TDRD9: variants seen among roughly 807,000 people sequenced by gnomAD.
TDRD9 encodes the protein ATP-dependent RNA helicase TDRD9.
In TDRD9, 124 loss-of-function variants were observed where a neutral mutation model predicts 172.6. The ratio of observed to expected loss-of-function variants is 0.72; its 90% CI spans 0.62 to 0.83. The LOEUF (loss-of-function observed/expected upper bound fraction) is 0.83. Ranked by LOEUF, TDRD9 falls within the 40% of genes least tolerant of loss-of-function variation. The pLI is 0.00. For synonymous variants in TDRD9, 619 were observed against 617.1 expected (o/e 1.00, Z -0.05); for missense variants, 1,479 against 1,714.1 (o/e 0.86, Z 2.42).
Position 104,042,155 on chromosome 14 carries a change from G to A in TDRD9, c.3942G>A (p.Gln1314=). ...CKCLGPERVA[Q]LQDIARQKLL... ...GTCTTGGGCCAGAGAGAGTTGCGCAGCTTCAAGACATTGCCCGTCAGAAGC... is the reference window on the plus strand; with the variant it reads ...GTCTTGGGCCAGAGAGAGTTGCGCAACTTCAAGACATTGCCCGTCAGAAGC... Residue 1314 remains glutamine, a synonymous_variant, in exon 34 of 36, where the codon CAG becomes CAA. Coordinates refer to ENST00000409874, the MANE Select transcript of TDRD9 (RefSeq NM_153046.3). The A allele has an allele frequency of 6.2e-7, 1 of 1,613,346 alleles. No homozygotes were observed. The highest frequency in any genetic ancestry group is 8.5e-7 in the Non-Finnish European group (1 of 1,179,304).
At chr14:103,973,320 AG>A (rs1332272706) in intron 6 of TDRD9, among the ~76,000 whole-genome samples, 2 of 152,230 alleles carry the variant, frequency 1.3e-5, no homozygotes, top group Admixed American at 6.5e-5. Flanking sequence ...CGCTGTCAAG[AG>A]GACCTGGGTG....
At chr14:104,045,688 G>C (rs769230255) in intron 34 of TDRD9, among the ~76,000 whole-genome samples, 4 of 152,188 alleles carry the variant, frequency 2.6e-5, no homozygotes, top group Admixed American at 2.6e-4. Flanking sequence ...ATAAGGGGTT[G>C]ACTGGACTCA....
At chr14:104,011,989 C>A (rs908238123) in intron 20 of TDRD9, among the ~76,000 whole-genome samples, 5 of 152,012 alleles carry the variant, frequency 3.3e-5, no homozygotes, top group Admixed American at 2.6e-4. Context: ...CCAGTAGAGT[C>A]TTATGGACAG....
chr14:103,999,635 T>A (rs2034183360), intron 13 of TDRD9, among the ~76,000 whole-genome samples: 1 of 130,306 alleles, frequency 7.7e-6, no homozygotes, highest in Non-Finnish European at 1.7e-5. Context: ...TTTTTGTTTG[T>A]TTTTTAGAAA....
chr14:104,024,032 A>T (rs2035041225), intron 24 of TDRD9, among the ~76,000 whole-genome samples: 1 of 152,152 alleles, frequency 6.6e-6, no homozygotes, highest in Non-Finnish European at 1.5e-5. Flanking sequence ...ATTTTCTGTC[A>T]AATTTGTCTT....
In TDRD9 at chr14:103,997,320, A is replaced by C. The variant is rs2034092207; in HGVS notation, c.1379-1304A>C. Reference sequence around the variant, plus strand: ...GGAGGTGGGGGTAGATCCCAGGGAGATTCTGAAGGCAGAGCTGGGGAGGAT... The same window carrying C: ...GGAGGTGGGGGTAGATCCCAGGGAGCTTCTGAAGGCAGAGCTGGGGAGGAT... On this transcript the variant is annotated intron_variant, in intron 12 of 35. Coordinates refer to ENST00000409874, the MANE Select transcript of TDRD9 (RefSeq NM_153046.3). This position sits in a 1 kb window ranked among gnomAD's most constrained non-coding sequence, Gnocchi z 5.1. Among the ~76,000 whole-genome samples the C allele has an allele frequency of 6.6e-6, 1 of 152,100 alleles. No homozygotes were observed. Among genetic ancestry groups the C allele is most frequent in the Admixed American group, 6.5e-5 (1 of 15,274 alleles).
intron 1 of TDRD9, chr14:103,939,750 T>TTTTTTTTG (rs2031091304): frequency 2.1e-5 from 1 of 48,458 alleles, no homozygotes; most frequent in African/African-American, 5.8e-5. Context: ...AGTGTTTTTT[T>TTTTTTTTG]TTTTTTTTTT....
intron 13 of TDRD9, among the ~76,000 whole-genome samples, chr14:104,002,077 T>C (rs542427600): frequency 2.6e-5 from 4 of 151,734 alleles, no homozygotes; most frequent in African/African-American, 9.6e-5. Context: ...CCCAGCACTT[T>C]GGGAGGGTGA....
chr14:104,031,204 C>A lies in TDRD9; in HGVS notation c.3379C>A (p.Leu1127Ile), dbSNP rs373438687. 6.5e-5 allele frequency: 101 copies of A among 1,551,864 alleles called. No homozygotes were observed. In the African/African-American group the frequency reaches 1.3e-3, roughly 20 times the overall value. Residue 1127 changes from leucine to isoleucine, a missense_variant, in exon 29 of 36, where the codon CTC becomes ATC. Transcript: ENST00000409874. ...PFPMKDDEKY[L>I]IRILLESFST... is the part of the protein sequence containing the mutation. ...TCCCATGAAAGACGACGAGAAATAT[C>A]TCATCCGGATTTTGTTAGAGAGCTT...
chr14:103,937,649 C>T (rs1168669925), intron 1 of TDRD9, among the ~76,000 whole-genome samples: 4 of 152,126 alleles, frequency 2.6e-5, no homozygotes, highest in Non-Finnish European at 4.4e-5. Flanking sequence ...CAGAATGATT[C>T]TGAGATTTCT....
chr14:103,988,263 T>C (rs1330998747), intron 8 of TDRD9, among the ~76,000 whole-genome samples: 1 of 152,068 alleles, frequency 6.6e-6, no homozygotes, highest in South Asian at 2.1e-4. Context: ...AACCTCTGCC[T>C]CCTGGGTTCA....
At chr14:104,022,049 G>T in intron 23 of TDRD9, 108 bp from the exon 24 acceptor site, 2 of 781,384 alleles carry the variant, frequency 2.6e-6, no homozygotes, top group South Asian at 1.7e-5. Flanking sequence ...AGAGTTACTG[G>T]CATTTTGAGG....
At position 103,970,512 on chromosome 14, in the gene TDRD9, T is replaced by TG. The variant is rs1467295852; in HGVS notation, c.766-23dup. On this transcript the variant is annotated intron_variant, in intron 5 of 35. Transcript: ENST00000409874. ...GTCATGTGTGTTGCCTGATGCCATG[T>TG]GGGGGGTGCCCCCTTTTTTATTTTG... 12 of 1,530,206 alleles carry TG rather than the reference T, an allele frequency of 7.8e-6. No homozygotes were observed. In the Admixed American group the frequency reaches 1.6e-4, roughly 20 times the overall value. The allele number at this position is 1,530,206 out of a possible 1,614,324, so 94.8% of individuals were successfully genotyped here. A position where few individuals can be genotyped will look rare whatever the true frequency, so the allele number is the denominator to read the frequency against.
chr14:103,968,460 GA>G (rs1270989937), intron 5 of TDRD9, among the ~76,000 whole-genome samples: 1 of 152,116 alleles, frequency 6.6e-6, no homozygotes, highest in Admixed American at 6.5e-5. Context: ...GTTTAAAATG[GA>G]ATAATGTTTT....
chr14:104,006,625 T>C, intron 16 of TDRD9, 21 bp from the exon 17 acceptor site: 1 of 1,613,492 alleles, frequency 6.2e-7, no homozygotes. Flanking sequence ...TACATTCTTC[T>C]TGTTTATTTT....
At position 104,016,091 on chromosome 14, in the gene TDRD9, A is replaced by G; in HGVS notation, c.2331+3A>G. ...AGGACCCCAAGACAACTGTCGTGGT[A>G]GGTGCTGGGGGCAGGCCGTCCTCTC... On this transcript the variant is annotated splice_donor_region_variant and intron_variant, in intron 22 of 35. Transcript: ENST00000409874. 6.3e-7 allele frequency: 1 copy of G among 1,591,214 alleles called. No homozygotes were observed. The highest frequency in any genetic ancestry group is 8.6e-7 in the Non-Finnish European group (1 of 1,167,320).
At chr14:104,031,365 G>A in intron 29 of TDRD9, 102 bp downstream of exon 29, 1 of 979,452 alleles carries the variant, frequency 1.0e-6, no homozygotes, top group Non-Finnish European at 1.5e-6. Context: ...TTTCTTTTCT[G>A]GCTTTTAATG....
intron 1 of TDRD9, 110 bp from the exon 2 acceptor site, chr14:103,955,554 T>C: frequency 1.5e-6 from 1 of 672,268 alleles, no homozygotes; most frequent in Non-Finnish European, 2.4e-6. Context: ...TTCATTTGTT[T>C]ATTGACTATT....
intron 23 of TDRD9, among the ~76,000 whole-genome samples, chr14:104,019,418 A>T (rs1392202599): frequency 1.3e-5 from 2 of 152,110 alleles, no homozygotes; most frequent in Non-Finnish European, 2.9e-5. Flanking sequence ...GCTGGAGTGC[A>T]GTGGCACAAT....
Sources: gnomAD v4.1 joint callset for allele counts (sites outside exome capture counted in the v4.1 genomes callset) on GRCh38, gnomAD v4.1.1 for gene constraint, Gnocchi (gnomAD v3.1) non-coding constraint, MANE v1.5 for transcripts, NCBI Gene and HGNC (gene_info 2026-07-23, HGNC 2026-07-21) for gene names.